Variants in IL7R observed in about 807,000 individuals in gnomAD.
IL7R encodes the protein interleukin 7 receptor.
A neutral mutation model predicts 47.0 loss-of-function variants in IL7R; 38 were observed. The ratio of observed to expected loss-of-function variants is 0.81; its 90% confidence interval spans 0.62 to 1.06. IL7R has a LOEUF of 1.06. Among genes scored for constraint, IL7R ranks in the 50% least tolerant of loss-of-function variants. IL7R has a pLI of 0.00. For synonymous variants in IL7R, 221 were observed against 199.8 expected (o/e 1.11, Z -0.89); for missense variants, 633 against 534.8 (o/e 1.18, Z -1.81).
chr5:35,860,839 T>C lies in IL7R; in HGVS notation c.83-13T>C. 1 of 1,613,208 alleles carries C rather than the reference T, an allele frequency of 6.2e-7. No individual in the cohort carries two copies. Among genetic ancestry groups the C allele is most frequent in the South Asian group, 1.1e-5 (1 of 91,072 alleles). On this transcript the variant is annotated splice_polypyrimidine_tract_variant and intron_variant, in intron 1 of 7. Transcript: ENST00000303115. ...TTTGTTTCATTAACAGCTGCATGTT[T>C]GTTCCTCCCCAGGAGACTTGGAAGA...
At chr5:35,860,197 T>C (rs1234258524) in intron 1 of IL7R, among the ~76,000 whole-genome samples, 1 of 152,126 alleles carries the variant, frequency 6.6e-6, no homozygotes, top group East Asian at 1.9e-4. Context: ...TTTCACCAAA[T>C]CGGAGTCCTG....
chr5:35,869,069 G>A (rs551311281), intron 3 of IL7R, among the ~76,000 whole-genome samples: 1 of 152,264 alleles, frequency 6.6e-6, no homozygotes, highest in East Asian at 1.9e-4. Context: ...GGTGGTGGAG[G>A]CATGTCTCAC....
At position 35,876,423 on chromosome 5, in the gene IL7R, T is replaced by C; in HGVS notation, c.1317T>C (p.Thr439=). 6.2e-7 allele frequency: 1 copy of C among 1,611,328 alleles called. No homozygotes were observed. The highest frequency in any genetic ancestry group is 8.5e-7 in the Non-Finnish European group (1 of 1,179,970). The change falls in exon 8 of 8, where the codon ACT becomes ACC. Residue 439 remains threonine (T), a synonymous_variant. Coordinates refer to ENST00000303115, the MANE Select transcript of IL7R (RefSeq NM_002185.5). The part of the protein sequence containing the change: ...NPVAQGQPIL[T]SLGSNQEEAY... ...TTGCTCAGGGTCAGCCCATTCTTACTTCCCTGGGATCAAATCAAGAAGAAG... is the reference window on the plus strand; with the variant it reads ...TTGCTCAGGGTCAGCCCATTCTTACCTCCCTGGGATCAAATCAAGAAGAAG...
chr5:35,859,591 A>G (rs747194038), intron 1 of IL7R, among the ~76,000 whole-genome samples: 25 of 152,116 alleles, frequency 1.6e-4, no homozygotes, highest in Non-Finnish European at 2.9e-5. Flanking sequence ...GCCCACACCC[A>G]TGGTCTAGCT....
Position 35,878,046 on chromosome 5 carries a change from T to C in IL7R, c.*1560T>C. Reference sequence around the variant, plus strand: ...TTTATTTAGGGGGACTAGGTGTTTCTGATATTTTAGTTTTCTTGTTTGTTT... The same window carrying C: ...TTTATTTAGGGGGACTAGGTGTTTCCGATATTTTAGTTTTCTTGTTTGTTT... On this transcript the variant is annotated 3_prime_UTR_variant, in exon 8 of 8. Coordinates refer to ENST00000303115, the MANE Select transcript of IL7R (RefSeq NM_002185.5). 4.3e-6 allele frequency: 1 copy of C among 233,366 alleles called. No homozygotes were observed. The highest frequency in any genetic ancestry group is 8.5e-6 in the Non-Finnish European group (1 of 118,090). The allele number at this position is 233,366 out of a possible 1,614,324, so 14.5% of individuals were successfully genotyped here.
chr5:35,873,186 G>T (rs1431024172), intron 4 of IL7R: 3 of 422,106 alleles, frequency 7.1e-6, no homozygotes, highest in Non-Finnish European at 1.3e-5. Flanking sequence ...AGAGAGAAAA[G>T]AAGAAGATAT....
chr5:35,863,601 T>C (rs1759874145), intron 2 of IL7R, among the ~76,000 whole-genome samples: 1 of 152,180 alleles, frequency 6.6e-6, no homozygotes, highest in South Asian at 2.1e-4. Context: ...AAGAATTCTT[T>C]CATATACGCA....
At position 35,871,131 on chromosome 5, in the gene IL7R, C is replaced by T. The variant is rs2149901748; in HGVS notation, c.455C>T (p.Thr152Ile). 1 of 1,610,828 alleles carries T rather than the reference C, an allele frequency of 6.2e-7. No homozygotes were observed. ...GANDFVVTFN[T>I]SHLQKKYVKV... ...AATGACTTTGTGGTGACATTTAATA[C>T]ATCACACTTGCAAAAGAAGTATGTA... Residue 152 changes from threonine to isoleucine, a missense_variant, in exon 4 of 8, where the codon ACA becomes ATA. Physicochemically the swap from Thr to Ile is moderately conservative, Grantham distance 89. Coordinates refer to ENST00000303115, the MANE Select transcript of IL7R (RefSeq NM_002185.5).
At position 35,878,643 on chromosome 5, in the gene IL7R, C is replaced by CA. The variant is rs1288551285; in HGVS notation, c.*2161dup. On this transcript the variant is annotated 3_prime_UTR_variant, in exon 8 of 8. Coordinates refer to ENST00000303115, the MANE Select transcript of IL7R (RefSeq NM_002185.5). ...GTCAAGTCTCAAATAGGAGGCTCCA[C>CA]AAAATCTCATGCCAGGTCTCTGATA... 4.3e-6 allele frequency: 1 copy of CA among 232,610 alleles called. No individual in the cohort carries two copies. The highest frequency in any genetic ancestry group is 8.5e-6 in the Non-Finnish European group (1 of 117,764). The allele number at this position is 232,610 out of a possible 1,614,324, so 14.4% of individuals were successfully genotyped here. A position where few individuals can be genotyped will look rare whatever the true frequency, so the allele number is the denominator to read the frequency against.
At chr5:35,865,469 A>G (rs914835674) in intron 2 of IL7R, among the ~76,000 whole-genome samples, 3 of 152,194 alleles carry the variant, frequency 2.0e-5, no homozygotes, top group African/African-American at 7.2e-5. Context: ...CTTTGGGTAT[A>G]TACCCAGTAA....
rs1266558354 is a variant in IL7R at position 35,878,334 on chromosome 5, A to G, written c.*1848A>G. 1 of 233,160 alleles carries G rather than the reference A, an allele frequency of 4.3e-6. No individual in the cohort carries two copies. Among genetic ancestry groups the G allele is most frequent in the Non-Finnish European group, 8.5e-6 (1 of 118,038 alleles). 14.4% of individuals were successfully genotyped at this position (233,160 alleles called of 1,614,324 possible). On this transcript the variant is annotated 3_prime_UTR_variant, in exon 8 of 8. Transcript: ENST00000303115. ...TTTATGGAAAGCCTGCTACATGTCA[A>G]TCATACTGTTAGGCACAGGGGACCT...
At chr5:35,873,751 A>G (rs556748878) in intron 5 of IL7R, 103 bp downstream of exon 5, 2 of 1,054,676 alleles carry the variant, frequency 1.9e-6, no homozygotes, top group South Asian at 1.3e-5. Flanking sequence ...GCAAAATAGG[A>G]CACCCTTGGA....
rs1243377732 is a variant in IL7R at position 35,879,407 on chromosome 5, G to A, written c.*2921G>A. ...GAGCTCCTGGAAATGATGCAGATTA[G>A]GTGGCATTTTTGTCAGCTCTGTGGT... On this transcript the variant is annotated 3_prime_UTR_variant, in exon 8 of 8. Transcript: ENST00000303115. The A allele has an allele frequency of 1.7e-5, 4 of 232,804 alleles. No homozygotes were observed. Among genetic ancestry groups the A allele is most frequent in the African/African-American group, 6.6e-5 (3 of 45,322 alleles). 14.4% of individuals were successfully genotyped at this position (232,804 alleles called of 1,614,324 possible). A position where few individuals can be genotyped will look rare whatever the true frequency, so the allele number is the denominator to read the frequency against.
intron 2 of IL7R, among the ~76,000 whole-genome samples, chr5:35,862,421 A>G (rs1759844665): frequency 6.6e-6 from 1 of 152,068 alleles, no homozygotes; most frequent in African/African-American, 2.4e-5. Flanking sequence ...GCCCACTCAA[A>G]CATACTTACC....
At chr5:35,866,000 A>G (rs1021622183) in intron 2 of IL7R, among the ~76,000 whole-genome samples, 2 of 152,192 alleles carry the variant, frequency 1.3e-5, no homozygotes, top group Non-Finnish European at 2.9e-5. Context: ...GGTCTTAGGG[A>G]AACAATTCAT....
Position 35,859,495 on chromosome 5 carries a change from T to C in IL7R, c.83-1357T>C, listed in dbSNP as rs11567700. Among the ~76,000 whole-genome samples the C allele has an allele frequency of 1.1e-3, 160 of 152,230 alleles. 1 individual carries two copies. In the East Asian group the frequency reaches 0.019, roughly 18 times the overall value. ...AGGGCCATACCCTGCTGAAACTACA[T>C]AAAGAGCTTTTGCTGGTGGCAGAAC... On this transcript the variant is annotated intron_variant, in intron 1 of 7. Coordinates refer to ENST00000303115, the MANE Select transcript of IL7R (RefSeq NM_002185.5).
chr5:35,861,406 A>G (rs1341220013), intron 2 of IL7R, among the ~76,000 whole-genome samples: 43 of 152,182 alleles, frequency 2.8e-4, no homozygotes, highest in Admixed American at 2.7e-3. Flanking sequence ...TTTGACCTAG[A>G]GAAAGTTATG....
At chr5:35,864,417 G>A (rs1229400791) in intron 2 of IL7R, among the ~76,000 whole-genome samples, 1 of 152,094 alleles carries the variant, frequency 6.6e-6, no homozygotes, top group Non-Finnish European at 1.5e-5. Context: ...TGTGTCATAA[G>A]GTAAGCATGT....
Position 35,878,686 on chromosome 5 carries a change from C to A in IL7R, c.*2200C>A. 1 of 232,654 alleles carries A rather than the reference C, an allele frequency of 4.3e-6. No homozygotes were observed. The highest frequency in any genetic ancestry group is 8.5e-6 in the Non-Finnish European group (1 of 117,704). The allele number at this position is 232,654 out of a possible 1,614,324, so 14.4% of individuals were successfully genotyped here. A position where few individuals can be genotyped will look rare whatever the true frequency, so the allele number is the denominator to read the frequency against. On this transcript the variant is annotated 3_prime_UTR_variant, in exon 8 of 8. Coordinates refer to ENST00000303115, the MANE Select transcript of IL7R (RefSeq NM_002185.5). ...CTCTGATACCTTATTCACAGAAGTT[C>A]TTTGAAGTATTTATTGTTATTTTCT... is the stretch of plus-strand genomic sequence containing the variant.
Sources: allele counts gnomAD v4.1 joint callset (sites outside exome capture counted in the v4.1 genomes callset), GRCh38; gene constraint gnomAD v4.1.1; transcripts MANE v1.5; gene names NCBI Gene and HGNC (gene_info 2026-07-23, HGNC 2026-07-21).